Variants in ERBB4 observed in about 807,000 individuals in gnomAD.
ERBB4 encodes the protein receptor tyrosine-protein kinase erbB-4.
ERBB4 carries 42 observed loss-of-function variants against 158.0 expected under a neutral mutation model. The observed-to-expected ratio is 0.27, with a 90% CI of 0.21 to 0.34. The LOEUF (loss-of-function observed/expected upper bound fraction) is 0.34. Ranked by LOEUF, ERBB4 falls within the 10% of genes least tolerant of loss-of-function variation. The pLI is 1.00. For missense variants in ERBB4, 1,333 were observed against 1,624.1 expected, an observed-to-expected ratio of 0.82 and a Z score of 3.08; for synonymous variants, 583 against 558.7, an observed-to-expected ratio of 1.04 and a Z score of -0.61.
chr2:211,811,886 C>G (rs573387241), intron 3 of ERBB4, among the ~76,000 whole-genome samples: 1 of 140,518 alleles, frequency 7.1e-6, no homozygotes, highest in East Asian at 1.9e-4. Context: ...AGGGTCTTCT[C>G]TACACTGTTT....
intron 20 of ERBB4, among the ~76,000 whole-genome samples, chr2:211,491,882 A>G (rs755702380): frequency 6.6e-6 from 1 of 152,032 alleles, no homozygotes; most frequent in Non-Finnish European, 1.5e-5. Context: ...GGTAATGATA[A>G]TGTTAAAGTC....
intron 1 of ERBB4, among the ~76,000 whole-genome samples, chr2:212,269,517 T>C (rs778543663): frequency 7.2e-5 from 11 of 151,746 alleles, no homozygotes; most frequent in Non-Finnish European, 1.3e-4. Flanking sequence ...ATACTTACAG[T>C]GTAGACTTTT....
At chr2:212,256,403 G>C (rs1011622368) in intron 1 of ERBB4, among the ~76,000 whole-genome samples, 1 of 151,950 alleles carries the variant, frequency 6.6e-6, no homozygotes, top group Non-Finnish European at 1.5e-5. Flanking sequence ...CCTCTTGTTG[G>C]ACTGTAATGA....
chr2:212,053,076 G>A (rs1312306378), intron 2 of ERBB4, among the ~76,000 whole-genome samples: 1 of 152,064 alleles, frequency 6.6e-6, no homozygotes, highest in Non-Finnish European at 1.5e-5. Flanking sequence ...CCAGCACATT[G>A]AGAGGCCAAA....
chr2:212,075,871 A>C (rs2078259381), intron 2 of ERBB4, among the ~76,000 whole-genome samples: 1 of 151,958 alleles, frequency 6.6e-6, no homozygotes, highest in African/African-American at 2.4e-5. Context: ...TCTTATGACT[A>C]GAAACTAAAG....
intron 3 of ERBB4, among the ~76,000 whole-genome samples, chr2:211,873,558 C>T (rs1323403093): frequency 6.6e-6 from 1 of 152,252 alleles, no homozygotes. Flanking sequence ...ATATTTTTTT[C>T]CCCAAAAGTA....
intron 3 of ERBB4, among the ~76,000 whole-genome samples, chr2:211,857,559 A>T (rs1362001906): frequency 6.6e-6 from 1 of 152,204 alleles, no homozygotes; most frequent in East Asian, 1.9e-4. Context: ...ATCAAAACAT[A>T]AAAATACAAA....
At chr2:211,805,766 A>C (rs922820995) in intron 3 of ERBB4, among the ~76,000 whole-genome samples, 2 of 152,182 alleles carry the variant, frequency 1.3e-5, no homozygotes, top group Non-Finnish European at 2.9e-5. Context: ...AGATATATCT[A>C]GTTCATATTC....
chr2:211,879,457 A>G (rs1248999240), intron 3 of ERBB4, among the ~76,000 whole-genome samples: 1 of 152,214 alleles, frequency 6.6e-6, no homozygotes, highest in Non-Finnish European at 1.5e-5. Context: ...AATATATCCT[A>G]TGTCTTCATC....
At chr2:211,961,009 A>G (rs1242292667) in intron 2 of ERBB4, among the ~76,000 whole-genome samples, 2 of 152,132 alleles carry the variant, frequency 1.3e-5, no homozygotes, top group African/African-American at 2.4e-5. Context: ...AAGCTATATA[A>G]TAATGCTGTA....
intron 5 of ERBB4, among the ~76,000 whole-genome samples, chr2:211,747,879 AC>A (rs973783146): frequency 8.6e-5 from 13 of 151,720 alleles, no homozygotes; most frequent in African/African-American, 2.9e-4. Context: ...TGGTTCCAGG[AC>A]CCCCATAAAT....
chr2:211,938,903 T>C (rs954261016), intron 3 of ERBB4, among the ~76,000 whole-genome samples: 3 of 152,178 alleles, frequency 2.0e-5, no homozygotes. Context: ...ATTAAGTCTA[T>C]TAATAAATGT....
intron 1 of ERBB4, among the ~76,000 whole-genome samples, chr2:212,483,254 A>G (rs759963619): frequency 3.9e-5 from 6 of 152,218 alleles, no homozygotes; most frequent in Non-Finnish European, 8.8e-5. Context: ...TAATTTTTGC[A>G]GGAGGAAAAT....
chr2:211,464,971 CT>C (rs908796417), intron 20 of ERBB4, among the ~76,000 whole-genome samples: 5 of 75,656 alleles, frequency 6.6e-5, no homozygotes, highest in African/African-American at 1.6e-4. Flanking sequence ...CCTTGTTTTT[CT>C]TTTTTTTTTC....
chr2:212,164,853 T>G (rs966072888), intron 1 of ERBB4, among the ~76,000 whole-genome samples: 1 of 152,064 alleles, frequency 6.6e-6, no homozygotes, highest in African/African-American at 2.4e-5. Context: ...ATAAAGAACC[T>G]GCATCCATTT....
At chr2:211,764,002 G>A (rs2075484891) in intron 4 of ERBB4, among the ~76,000 whole-genome samples, 1 of 151,898 alleles carries the variant, frequency 6.6e-6, no homozygotes, top group African/African-American at 2.4e-5. Flanking sequence ...GTAAGCCAAA[G>A]GAATAAAAAT....
At chr2:211,675,792 T>TATATATA (rs1553607853) in intron 13 of ERBB4, among the ~76,000 whole-genome samples, 1 of 93,574 alleles carries the variant, frequency 1.1e-5, no homozygotes, top group Non-Finnish European at 2.8e-5. Context: ...AAATATAATA[T>TATATATA]TATATATATA....
At chr2:212,006,577 T>C (rs2076264463) in intron 2 of ERBB4, among the ~76,000 whole-genome samples, 1 of 151,898 alleles carries the variant, frequency 6.6e-6, no homozygotes, top group Non-Finnish European at 1.5e-5. Context: ...TGGCATCGAG[T>C]ATAGCCTGAA....
At chr2:212,466,055 T>C (rs887902478) in intron 1 of ERBB4, among the ~76,000 whole-genome samples, 2 of 152,210 alleles carry the variant, frequency 1.3e-5, no homozygotes, top group Admixed American at 1.3e-4. Context: ...ATCTTAAAAT[T>C]TTGCAAGACA....
Sources: gnomAD v4.1 joint callset for allele counts (sites outside exome capture counted in the v4.1 genomes callset) on GRCh38, gnomAD v4.1.1 for gene constraint, MANE v1.5 for transcripts, NCBI Gene and HGNC (gene_info 2026-07-23, HGNC 2026-07-21) for gene names.